The following PTPRD variants were observed in gnomAD, a reference collection of about 807,000 sequenced individuals.
The protein encoded by PTPRD is protein tyrosine phosphatase receptor type D.
PTPRD carries 34 observed loss-of-function variants against 214.5 expected under a neutral mutation model. The observed-to-expected ratio is 0.16, with a 90% CI of 0.12 to 0.21. The LOEUF is 0.21. Among genes scored for constraint, PTPRD ranks in the 10% least tolerant of loss-of-function variants. PTPRD has a pLI of 1.00. For missense variants in PTPRD, 2,545 were observed against 2,398.7 expected (o/e 1.06, Z -1.27); for synonymous variants, 1,128 against 845.7 (o/e 1.33, Z -5.79).
intron 2 of PTPRD, among the ~76,000 whole-genome samples, chr9:10,538,311 T>C (rs1433394424): frequency 6.7e-6 from 1 of 148,238 alleles, no homozygotes; most frequent in African/African-American, 2.5e-5. Context: ...GGGAGAGGAG[T>C]GGTTCTGTAA....
intron 4 of PTPRD, among the ~76,000 whole-genome samples, chr9:10,005,673 G>C (rs957433033): frequency 1.3e-5 from 2 of 152,032 alleles, no homozygotes; most frequent in South Asian, 4.2e-4. Flanking sequence ...CACCTATCTT[G>C]TCCCTCTGGC....
intron 8 of PTPRD, among the ~76,000 whole-genome samples, chr9:9,533,567 T>A (rs2075936558): frequency 6.6e-6 from 1 of 152,138 alleles, no homozygotes; most frequent in Non-Finnish European, 1.5e-5. Context: ...CAGAGCTGTG[T>A]TTCCCTTGAA....
At chr9:8,909,446 A>C (rs1450426330) in intron 11 of PTPRD, among the ~76,000 whole-genome samples, 1 of 152,174 alleles carries the variant, frequency 6.6e-6, no homozygotes, top group Non-Finnish European at 1.5e-5. Context: ...GGTTGGTTTA[A>C]TTTTCTATAT....
chr9:8,473,239 G>A (rs2096692354), intron 30 of PTPRD, among the ~76,000 whole-genome samples: 1 of 152,120 alleles, frequency 6.6e-6, no homozygotes, highest in Non-Finnish European at 1.5e-5. Context: ...ACACCAGCTA[G>A]CCATTCATTT....
At chr9:9,621,301 C>A (rs1313220422) in intron 7 of PTPRD, among the ~76,000 whole-genome samples, 2 of 152,250 alleles carry the variant, frequency 1.3e-5, no homozygotes, top group African/African-American at 2.4e-5. Flanking sequence ...TTCATAAAAA[C>A]ATTCCCATTT....
At chr9:8,700,156 T>C (rs1436776146) in intron 12 of PTPRD, among the ~76,000 whole-genome samples, 2 of 152,214 alleles carry the variant, frequency 1.3e-5, no homozygotes, top group African/African-American at 4.8e-5. Context: ...AATCAATGCA[T>C]GTGACATTCT....
intron 7 of PTPRD, among the ~76,000 whole-genome samples, chr9:9,625,054 T>C (rs369028449): frequency 2.0e-5 from 3 of 152,192 alleles, no homozygotes; most frequent in East Asian, 3.9e-4. Flanking sequence ...CTTAAATCCA[T>C]AGTGATGACT....
chr9:10,468,883 G>T (rs543428391), intron 2 of PTPRD, among the ~76,000 whole-genome samples: 3 of 152,112 alleles, frequency 2.0e-5, no homozygotes, highest in East Asian at 1.9e-4. Context: ...AAGAAGAAAG[G>T]TCATATATTC....
intron 10 of PTPRD, among the ~76,000 whole-genome samples, chr9:9,162,750 C>T (rs1334026516): frequency 6.6e-6 from 1 of 152,050 alleles, no homozygotes; most frequent in Non-Finnish European, 1.5e-5. Context: ...TCTCTCCTTA[C>T]CCCTTTACGG....
chr9:9,673,648 T>C lies in PTPRD; in HGVS notation c.-287+60885A>G, dbSNP rs74864020. ...TAATATTTGATAAGATAACTAAAAA[T>C]ATTTCTGTATCAATGAAAATTAAAA... On this transcript the variant is annotated intron_variant, in intron 7 of 45. Coordinates refer to ENST00000381196, the MANE Select transcript of PTPRD (RefSeq NM_002839.4). 7.6e-3 allele frequency among the ~76,000 whole-genome samples: 1,152 copies of C among 151,448 alleles called. 8 individuals are homozygous for C. The highest frequency in any genetic ancestry group is 0.015 in the Admixed American group (227 of 15,200).
At chr9:8,642,799 T>C (rs1373820195) in intron 12 of PTPRD, among the ~76,000 whole-genome samples, 4 of 152,316 alleles carry the variant, frequency 2.6e-5, no homozygotes, top group Non-Finnish European at 4.4e-5. Flanking sequence ...GTGTGGATGA[T>C]AGGTTTTTGT....
At chr9:8,924,124 A>C (rs1438167989) in intron 11 of PTPRD, among the ~76,000 whole-genome samples, 1 of 77,714 alleles carries the variant, frequency 1.3e-5, no homozygotes, top group East Asian at 7.7e-4. Context: ...GGCCTAAGCT[A>C]CGATTAAATC....
chr9:8,713,325 C>A, intron 12 of PTPRD: 2 of 826,752 alleles, frequency 2.4e-6, no homozygotes, highest in Non-Finnish European at 4.1e-6. Context: ...AGGCCTCGGG[C>A]ACACTAAGAG....
intron 3 of PTPRD, among the ~76,000 whole-genome samples, chr9:10,095,295 T>C (rs2098472001): frequency 6.6e-6 from 1 of 151,486 alleles, no homozygotes; most frequent in African/African-American, 2.4e-5. Flanking sequence ...ATCCCATAGA[T>C]GGAGCATAAT....
At chr9:8,936,842 C>G (rs76929058) in intron 11 of PTPRD, among the ~76,000 whole-genome samples, 2,415 of 152,138 alleles carry the variant, frequency 0.016, 65 homozygotes, top group African/African-American at 0.056. Context: ...AAAATGGTTT[C>G]TTATACAGAA....
At chr9:10,417,825 T>G (rs2098506960) in intron 2 of PTPRD, among the ~76,000 whole-genome samples, 2 of 151,960 alleles carry the variant, frequency 1.3e-5, no homozygotes, top group South Asian at 4.1e-4. Flanking sequence ...GATCTAGTCT[T>G]CACTGTTTGC....
At chr9:10,340,516 T>A (rs955397598) in intron 3 of PTPRD, among the ~76,000 whole-genome samples, 1 of 151,904 alleles carries the variant, frequency 6.6e-6, no homozygotes, top group Admixed American at 6.6e-5. Flanking sequence ...AAGGTGAACA[T>A]CTTCAAAGTC....
chr9:9,226,813 T>C (rs115437056), intron 9 of PTPRD, among the ~76,000 whole-genome samples: 2,062 of 152,172 alleles, frequency 0.014, 56 homozygotes, highest in African/African-American at 0.046. Context: ...TATCATATAA[T>C]AGGTACTTAA....
intron 12 of PTPRD, among the ~76,000 whole-genome samples, chr9:8,649,729 G>GATT (rs1406603517): frequency 1.3e-5 from 2 of 152,100 alleles, no homozygotes; most frequent in East Asian, 1.9e-4. Flanking sequence ...TTATTACAAA[G>GATT]ATTAATTATA....
Sources: gnomAD v4.1 joint callset for allele counts (sites outside exome capture counted in the v4.1 genomes callset) on GRCh38, gnomAD v4.1.1 for gene constraint, MANE v1.5 for transcripts, NCBI Gene and HGNC (gene_info 2026-07-23, HGNC 2026-07-21) for gene names.